TBCK: variants seen among roughly 807,000 people sequenced by gnomAD.
TBCK encodes the protein TBC1 domain containing kinase, also known as TBC domain-containing protein kinase-like protein.
A neutral mutation model predicts 113.4 loss-of-function variants in TBCK; 99 were observed. The ratio of observed to expected loss-of-function variants is 0.87; its 90% CI spans 0.74 to 1.03. The LOEUF (loss-of-function observed/expected upper bound fraction) is 1.03, where lower values mean the gene tolerates loss of function less well. TBCK is among the 50% of genes least tolerant of loss of function. The probability of loss-of-function intolerance (pLI) is 0.00; values close to 1 mark genes in which losing one functional copy is unlikely to be tolerated. For synonymous variants in TBCK, 369 were observed against 370.8 expected, an observed-to-expected ratio of 1.00 and a Z score of 0.05; for missense variants, 1,045 against 1,061.3, an observed-to-expected ratio of 0.98 and a Z score of 0.21.
rs35695611 is a variant in TBCK, at chr4:106,197,411, G to GTGTATA, written c.1861-2658_1861-2657insTATACA. Among the ~76,000 whole-genome samples, 533 of 122,446 alleles carry GTGTATA rather than the reference G, an allele frequency of 4.4e-3. 3 individuals carry two copies. The highest frequency in any genetic ancestry group is 0.014 in the South Asian group (48 of 3,404). 80.3% of individuals were successfully genotyped at this position (122,446 alleles called of 152,430 possible). A position where few individuals can be genotyped will look rare whatever the true frequency, so the allele number is the denominator to read the frequency against. ...AGTGTGTGTGTGTGTGTGTGTGTGT[G>GTGTATA]TATATATATATATATATATATAATA... On this transcript the variant is annotated intron_variant, in intron 20 of 25. Coordinates refer to ENST00000394708, the MANE Select transcript of TBCK (RefSeq NM_001163435.3).
chr4:106,186,346 G>T (rs774337347), intron 22 of TBCK, among the ~76,000 whole-genome samples: 1 of 152,146 alleles, frequency 6.6e-6, no homozygotes, highest in Non-Finnish European at 1.5e-5. Flanking sequence ...TTACATTCCC[G>T]CAGGCAGTGT....
rs1459764407 is a variant in TBCK at position 106,236,797 on chromosome 4, A to T, written c.1182T>A (p.Asp394Glu). The T allele has an allele frequency of 5.9e-6, 9 of 1,514,714 alleles. No homozygotes were observed. Among genetic ancestry groups the T allele is most frequent in the Non-Finnish European group, 8.0e-6 (9 of 1,129,122 alleles). The allele number at this position is 1,514,714 out of a possible 1,614,324, so 93.8% of individuals were successfully genotyped here. A position where few individuals can be genotyped will look rare whatever the true frequency, so the allele number is the denominator to read the frequency against. Residue 394 changes from aspartate to glutamate, a missense_variant, in exon 13 of 26, where the codon GAT becomes GAA. Asp to Glu is a conservative substitution (Grantham distance 45). Coordinates refer to ENST00000394708, the MANE Select transcript of TBCK (RefSeq NM_001163435.3). ...ATGGGTAAAATGCTTCTCCACCAACATCTTTCAATCTCTGTGTATTTAAAG... is the reference window on the plus strand; with the variant it reads ...ATGGGTAAAATGCTTCTCCACCAACTTCTTTCAATCTCTGTGTATTTAAAG... ...SLCQLRNRLK[D>E]VGGEAFYPLL...
intron 25 of TBCK, among the ~76,000 whole-genome samples, chr4:106,048,569 GCA>G (rs1278686102): frequency 6.6e-6 from 1 of 152,110 alleles, no homozygotes; most frequent in Admixed American, 6.6e-5. Context: ...TGTGCAGGCA[GCA>G]CAGTCCCTGG....
intron 23 of TBCK, among the ~76,000 whole-genome samples, chr4:106,122,737 A>C (rs2149591157): frequency 6.6e-6 from 1 of 152,270 alleles, no homozygotes; most frequent in African/African-American, 2.4e-5. Flanking sequence ...AAATCAATAA[A>C]TGTAATCCAG....
chr4:106,297,017 T>C (rs1365777760), intron 2 of TBCK, among the ~76,000 whole-genome samples: 1 of 152,162 alleles, frequency 6.6e-6, no homozygotes, highest in Non-Finnish European at 1.5e-5. Flanking sequence ...TTGCTTTTCA[T>C]CTTACCACGT....
intron 3 of TBCK, among the ~76,000 whole-genome samples, chr4:106,278,679 C>A (rs1379866692): frequency 6.8e-6 from 1 of 147,484 alleles, no homozygotes; most frequent in Non-Finnish European, 1.5e-5. Flanking sequence ...AAAAATAGTA[C>A]AGATACATGG....
At chr4:106,225,687 G>A (rs767969114) in intron 19 of TBCK, among the ~76,000 whole-genome samples, 6 of 152,076 alleles carry the variant, frequency 3.9e-5, no homozygotes, top group Non-Finnish European at 8.8e-5. Context: ...TCGAACTCCT[G>A]ACGTCGTGAT....
At chr4:106,051,421 G>T (rs1001111068) in intron 25 of TBCK, among the ~76,000 whole-genome samples, 7 of 151,842 alleles carry the variant, frequency 4.6e-5, no homozygotes, top group Non-Finnish European at 1.0e-4. Flanking sequence ...ATTTTATCTG[G>T]CCATTCCTTT....
intron 24 of TBCK, among the ~76,000 whole-genome samples, chr4:106,095,997 T>G (rs1740854766): frequency 6.6e-6 from 1 of 152,156 alleles, no homozygotes; most frequent in African/African-American, 2.4e-5. Context: ...AATTTTCTAG[T>G]CAGCTGCTGC....
intron 19 of TBCK, among the ~76,000 whole-genome samples, chr4:106,219,353 TA>T (rs1306141401): frequency 2.0e-5 from 3 of 150,838 alleles, no homozygotes; most frequent in Non-Finnish European, 3.0e-5. Context: ...ACATGTACCC[TA>T]AAACTTAAAG....
At chr4:106,161,626 TTAAG>T (rs1333952613) in intron 23 of TBCK, among the ~76,000 whole-genome samples, 5 of 152,090 alleles carry the variant, frequency 3.3e-5, no homozygotes, top group African/African-American at 1.2e-4. Context: ...ACAAATAATA[TTAAG>T]TATTACTACC....
At chr4:106,291,677 C>T (rs972694584) in intron 3 of TBCK, among the ~76,000 whole-genome samples, 1 of 152,208 alleles carries the variant, frequency 6.6e-6, no homozygotes, top group African/African-American at 2.4e-5. Context: ...TCATTCTTAG[C>T]GACTAACTAC....
At chr4:106,052,123 T>C (rs1734878762) in intron 25 of TBCK, among the ~76,000 whole-genome samples, 2 of 151,886 alleles carry the variant, frequency 1.3e-5, no homozygotes, top group African/African-American at 4.8e-5. Context: ...TAGCATTATA[T>C]AAGGTATAAA....
chr4:106,171,422 T>C, intron 22 of TBCK, 152 bp from the exon 23 acceptor site: 1 of 599,834 alleles, frequency 1.7e-6, no homozygotes, highest in Non-Finnish European at 2.9e-6. Context: ...AATGTATATA[T>C]TAATCAGCAT....
chr4:106,193,910 A>G (rs1387936174), intron 21 of TBCK, 140 bp from the exon 22 acceptor site: 12 of 562,432 alleles, frequency 2.1e-5, no homozygotes, highest in Admixed American at 3.8e-5. Flanking sequence ...AACTCTTTTT[A>G]TGAAATGTTT....
At chr4:106,158,724 T>C (rs1352332146) in intron 23 of TBCK, among the ~76,000 whole-genome samples, 1 of 152,040 alleles carries the variant, frequency 6.6e-6, no homozygotes, top group Non-Finnish European at 1.5e-5. Flanking sequence ...ACCAAATATC[T>C]AAAGAACACA....
At position 106,090,279 on chromosome 4, in the gene TBCK, T is replaced by C. The variant is rs974524914; in HGVS notation, c.2571+5203A>G. 5.2e-4 allele frequency among the ~76,000 whole-genome samples: 79 copies of C among 152,342 alleles called. 1 individual carries two copies. Among genetic ancestry groups the C allele is most frequent in the Admixed American group, 5.2e-3 (79 of 15,310 alleles). On this transcript the variant is annotated intron_variant, in intron 25 of 25. Transcript: ENST00000394708. ...GAGCTTTACCTTGGCCCAGTTAAGC[T>C]GTGGCCGGAGCCTGAGTGGTCACGA...
chr4:106,193,207 G>A (rs1579193269), intron 22 of TBCK, among the ~76,000 whole-genome samples: 1 of 152,248 alleles, frequency 6.6e-6, no homozygotes, highest in East Asian at 1.9e-4. Context: ...CTTTGGCTGG[G>A]AGGCAACAAA....
intron 20 of TBCK, among the ~76,000 whole-genome samples, chr4:106,199,921 T>A (rs1022321004): frequency 6.6e-6 from 1 of 152,212 alleles, no homozygotes; most frequent in African/African-American, 2.4e-5. Context: ...CAGAATGACC[T>A]TGTTAAAATC....
Sources: allele counts gnomAD v4.1 joint callset (sites outside exome capture counted in the v4.1 genomes callset), GRCh38; gene constraint gnomAD v4.1.1; transcripts MANE v1.5; gene names NCBI Gene and HGNC (gene_info 2026-07-23, HGNC 2026-07-21).